The following METTL25 variants were observed in gnomAD, a reference collection of about 807,000 sequenced individuals.
The protein encoded by METTL25 is probable methyltransferase-like protein 25.
A neutral mutation model predicts 71.6 loss-of-function variants in METTL25; 64 were observed. The ratio of observed to expected loss-of-function variants is 0.89; its 90% confidence interval spans 0.73 to 1.10. The LOEUF (loss-of-function observed/expected upper bound fraction) is 1.10, where lower values mean the gene tolerates loss of function less well. Among genes scored for constraint, METTL25 ranks in the 50% least tolerant of loss-of-function variants. METTL25 has a pLI of 0.00. For synonymous variants in METTL25, 287 were observed against 250.3 expected, an observed-to-expected ratio of 1.15 and a Z score of -1.38; for missense variants, 807 against 707.0, an observed-to-expected ratio of 1.14 and a Z score of -1.60.
chr12:82,455,791 C>T (rs894152201), intron 8 of METTL25, among the ~76,000 whole-genome samples: 10 of 151,788 alleles, frequency 6.6e-5, no homozygotes, highest in Admixed American at 6.6e-4. Flanking sequence ...AAATTTATCC[C>T]AATAAATGGG....
chr12:82,365,458 T>A (rs560661729), intron 1 of METTL25, among the ~76,000 whole-genome samples: 19 of 152,334 alleles, frequency 1.2e-4, no homozygotes, highest in African/African-American at 3.6e-4. Context: ...AAAAAGCCAG[T>A]AGAGACAGCT....
intron 1 of METTL25, among the ~76,000 whole-genome samples, chr12:82,365,846 G>A (rs1463013297): frequency 1.3e-5 from 2 of 152,168 alleles, no homozygotes; most frequent in African/African-American, 4.8e-5. Flanking sequence ...ACTTTGGGAG[G>A]CCGAGGCGGG....
At chr12:82,366,332 T>A (rs554674407) in intron 1 of METTL25, among the ~76,000 whole-genome samples, 1 of 152,306 alleles carries the variant, frequency 6.6e-6, no homozygotes, top group African/African-American at 2.4e-5. Context: ...AGGGATCCTC[T>A]AAGGCACTGA....
At chr12:82,452,039 CT>C (rs1457935085) in intron 8 of METTL25, among the ~76,000 whole-genome samples, 6 of 151,934 alleles carry the variant, frequency 3.9e-5, no homozygotes, top group African/African-American at 1.5e-4. Flanking sequence ...CTAGACTGAG[CT>C]ATTGTTACAT....
intron 9 of METTL25, among the ~76,000 whole-genome samples, chr12:82,457,440 T>G (rs1041299138): frequency 6.6e-6 from 1 of 151,718 alleles, no homozygotes; most frequent in Non-Finnish European, 1.5e-5. Context: ...AAGAATAGAG[T>G]ATGTGGTCAA....
At chr12:82,476,580 A>T in intron 9 of METTL25, 64 bp from the exon 10 acceptor site, 10 of 1,042,188 alleles carry the variant, frequency 9.6e-6, no homozygotes, top group Non-Finnish European at 1.5e-5. Context: ...ACTTTAGGAT[A>T]TGTTTGACAA....
At chr12:82,384,982 T>G (rs888827507) in intron 1 of METTL25, among the ~76,000 whole-genome samples, 2 of 152,158 alleles carry the variant, frequency 1.3e-5, no homozygotes, top group Non-Finnish European at 2.9e-5. Flanking sequence ...CCAGTTTGTA[T>G]CATGGCTAAA....
At chr12:82,474,055 C>G (rs181419555) in intron 9 of METTL25, among the ~76,000 whole-genome samples, 2 of 152,110 alleles carry the variant, frequency 1.3e-5, no homozygotes, top group Non-Finnish European at 2.9e-5. Flanking sequence ...GGGGAGTGCG[C>G]GCATTGTTCT....
chr12:82,449,134 T>G (rs186527672), intron 8 of METTL25, among the ~76,000 whole-genome samples: 1 of 152,346 alleles, frequency 6.6e-6, no homozygotes, highest in East Asian at 1.9e-4. Flanking sequence ...GCATTCACTT[T>G]TATTAAAAGA....
intron 1 of METTL25, among the ~76,000 whole-genome samples, chr12:82,385,836 T>C (rs1382282968): frequency 5.3e-5 from 8 of 152,178 alleles, no homozygotes; most frequent in Non-Finnish European, 8.8e-5. Context: ...CTGAGGAATG[T>C]TCCGTCTTGA....
At chr12:82,373,776 A>ACCAGTGCTCCCAACTCCAAAGAG (rs1883521804) in intron 1 of METTL25, among the ~76,000 whole-genome samples, 2 of 152,312 alleles carry the variant, frequency 1.3e-5, no homozygotes, top group South Asian at 4.1e-4. Context: ...TTCCAGGCAA[A>ACCAGTGCTCCCAACTCCAAAGAG]CCAGTGCTCC....
In METTL25 at chr12:82,398,833, T is replaced by C. The variant is rs1886317514; in HGVS notation, c.570T>C (p.Ser190=). The C allele has an allele frequency of 6.3e-7, 1 of 1,576,244 alleles. No individual in the cohort carries two copies. Among genetic ancestry groups the C allele is most frequent in the Non-Finnish European group, 8.6e-7 (1 of 1,168,816 alleles). ...GTTCCGGTAAAGGCTACCTAAGCTCTTTTTTGTCCTTGAAGTATGGCTTAA... is the reference window on the plus strand; with the variant it reads ...GTTCCGGTAAAGGCTACCTAAGCTCCTTTTTGTCCTTGAAGTATGGCTTAA... ...DLGSGKGYLS[S]FLSLKYGLKV... Residue 190 remains serine, a synonymous_variant, in exon 4 of 12, where the codon TCT becomes TCC. Transcript: ENST00000248306.
At chr12:82,434,947 T>G (rs1033019395) in intron 7 of METTL25, among the ~76,000 whole-genome samples, 14 of 151,548 alleles carry the variant, frequency 9.2e-5, no homozygotes, top group African/African-American at 3.4e-4. Context: ...CTTATACTAC[T>G]CATTTCTTTG....
At chr12:82,407,936 A>G (rs1403124434) in intron 5 of METTL25, 25 of 984,626 alleles carry the variant, frequency 2.5e-5, no homozygotes, top group East Asian at 1.1e-4. Context: ...TCTTTGCTGT[A>G]GTAAAACAGA....
At chr12:82,418,271 G>A (rs949576680) in intron 5 of METTL25, among the ~76,000 whole-genome samples, 1 of 152,092 alleles carries the variant, frequency 6.6e-6, no homozygotes, top group Non-Finnish European at 1.5e-5. Flanking sequence ...GATGAGAGTT[G>A]TTCAGTTTCG....
At chr12:82,364,967 G>C (rs182124891) in intron 1 of METTL25, among the ~76,000 whole-genome samples, 4 of 152,216 alleles carry the variant, frequency 2.6e-5, no homozygotes, top group Non-Finnish European at 4.4e-5. Flanking sequence ...ATCATAAACA[G>C]TTTCTGTTTA....
chr12:82,384,773 G>A (rs1021774088), intron 1 of METTL25, among the ~76,000 whole-genome samples: 2 of 151,752 alleles, frequency 1.3e-5, no homozygotes, highest in African/African-American at 4.8e-5. Context: ...TGATTTTAAC[G>A]TTTACATTTC....
intron 5 of METTL25, among the ~76,000 whole-genome samples, chr12:82,417,943 A>AC (rs1299089443): frequency 6.6e-6 from 1 of 152,046 alleles, no homozygotes; most frequent in African/African-American, 2.4e-5. Context: ...CAAGTAAAAA[A>AC]CCCAAAGGCA....
intron 6 of METTL25, among the ~76,000 whole-genome samples, chr12:82,432,518 A>T (rs895753070): frequency 6.6e-6 from 1 of 151,732 alleles, no homozygotes; most frequent in African/African-American, 2.4e-5. Flanking sequence ...GAACTATGTA[A>T]TATCCCTTAG....
Sources: allele counts gnomAD v4.1 joint callset (sites outside exome capture counted in the v4.1 genomes callset), GRCh38; gene constraint gnomAD v4.1.1; transcripts MANE v1.5; gene names NCBI Gene and HGNC (gene_info 2026-07-23, HGNC 2026-07-21).